KCNN2: variants seen among roughly 807,000 people sequenced by gnomAD.
The protein encoded by KCNN2 is potassium calcium-activated channel subfamily N member 2.
Under a neutral mutation model 55.5 loss-of-function variants are expected in KCNN2, and 24 were observed. The ratio of observed to expected loss-of-function variants is 0.43; its 90% confidence interval spans 0.31 to 0.61. The LOEUF (loss-of-function observed/expected upper bound fraction) is 0.61. Among genes scored for constraint, KCNN2 ranks in the 20% least tolerant of loss-of-function variants. The pLI, the probability that KCNN2 is intolerant of heterozygous loss-of-function variation, is 0.08. For synonymous variants in KCNN2, 431 were observed against 336.1 expected, an observed-to-expected ratio of 1.28 and a Z score of -3.09; for missense variants, 754 against 853.6, an observed-to-expected ratio of 0.88 and a Z score of 1.45.
At chr5:114,431,253 T>G (rs1458981149) in intron 3 of KCNN2, among the ~76,000 whole-genome samples, 1 of 152,148 alleles carries the variant, frequency 6.6e-6, no homozygotes, top group East Asian at 1.9e-4. Flanking sequence ...ATTAGTAGTT[T>G]TCTGGATTTC....
At chr5:114,316,735 C>T (rs144648455) in intron 2 of KCNN2, among the ~76,000 whole-genome samples, 4 of 152,140 alleles carry the variant, frequency 2.6e-5, no homozygotes, top group African/African-American at 7.2e-5. Flanking sequence ...TAATACATAT[C>T]GCTATCTAGT....
intron 1 of KCNN2, among the ~76,000 whole-genome samples, chr5:114,185,673 G>A (rs751821613): frequency 1.2e-4 from 18 of 152,170 alleles, no homozygotes; most frequent in Non-Finnish European, 2.5e-4. Flanking sequence ...CAAGAACCCC[G>A]TCTTTAGCTG....
At chr5:114,236,555 G>A (rs1343471893) in intron 2 of KCNN2, among the ~76,000 whole-genome samples, 1 of 151,862 alleles carries the variant, frequency 6.6e-6, no homozygotes, top group African/African-American at 2.4e-5. Flanking sequence ...TAAATCTTTT[G>A]CCTTTTACTA....
rs1561588079 is a variant in KCNN2, at chr5:114,363,927, C to T, written c.1144C>T (p.Leu382=). The change falls in exon 2 of 8, where the codon CTG becomes TTG. Residue 382 remains leucine, a synonymous_variant. Transcript: ENST00000673685. ...YDKASLYSLA[L]KCLISLSTII... Reference sequence around the variant, plus strand: ...GCAGGCGTCGCTGTATTCCTTAGCTCTGAAATGCCTTATCAGTCTCTCCAC... The same window carrying T: ...GCAGGCGTCGCTGTATTCCTTAGCTTTGAAATGCCTTATCAGTCTCTCCAC... 6.2e-7 allele frequency: 1 copy of T among 1,614,012 alleles called. No homozygotes were observed. The highest frequency in any genetic ancestry group is 8.5e-7 in the Non-Finnish European group (1 of 1,179,902).
intron 2 of KCNN2, among the ~76,000 whole-genome samples, chr5:114,267,372 A>G (rs1580675261): frequency 1.3e-5 from 2 of 152,070 alleles, no homozygotes; most frequent in East Asian, 1.9e-4. Flanking sequence ...TACCCACCCC[A>G]TTCTTCATTG....
At chr5:114,138,890 A>C (rs568123557) in intron 1 of KCNN2, among the ~76,000 whole-genome samples, 1 of 152,270 alleles carries the variant, frequency 6.6e-6, no homozygotes, top group South Asian at 2.1e-4. Flanking sequence ...TATGAACTGT[A>C]ATGTGTTGGA....
chr5:114,270,342 C>T (rs983756801), intron 2 of KCNN2, among the ~76,000 whole-genome samples: 21 of 152,104 alleles, frequency 1.4e-4, no homozygotes, highest in African/African-American at 4.1e-4. Context: ...GACAAGAATG[C>T]GCTAACATAC....
chr5:114,263,257 C>T (rs955243733), intron 2 of KCNN2, among the ~76,000 whole-genome samples: 1 of 152,128 alleles, frequency 6.6e-6, no homozygotes, highest in African/African-American at 2.4e-5. Context: ...GTCACCATCT[C>T]GTCTCAAGAA....
chr5:114,196,613 C>T (rs1427027560), intron 1 of KCNN2, among the ~76,000 whole-genome samples: 1 of 151,904 alleles, frequency 6.6e-6, no homozygotes, highest in Non-Finnish European at 1.5e-5. Flanking sequence ...TTGTTCATTT[C>T]ATCTAAGTTA....
At chr5:114,274,418 A>G (rs989904395) in intron 2 of KCNN2, among the ~76,000 whole-genome samples, 2 of 152,190 alleles carry the variant, frequency 1.3e-5, no homozygotes, top group African/African-American at 2.4e-5. Flanking sequence ...TCTATAAATT[A>G]CTTTGGGCAG....
chr5:114,088,002 T>C (rs1751051765), intron 1 of KCNN2, among the ~76,000 whole-genome samples: 1 of 152,172 alleles, frequency 6.6e-6, no homozygotes, highest in Non-Finnish European at 1.5e-5. Flanking sequence ...TTGCAGATTC[T>C]ATCTGATATT....
chr5:114,320,977 G>A (rs1343682927), intron 2 of KCNN2, among the ~76,000 whole-genome samples: 1 of 152,184 alleles, frequency 6.6e-6, no homozygotes, highest in African/African-American at 2.4e-5. Flanking sequence ...CTGATGGAAT[G>A]CGAAAGGCTC....
chr5:114,221,914 T>C (rs3935789), intron 2 of KCNN2, among the ~76,000 whole-genome samples: 7,817 of 152,278 alleles, frequency 0.051, 221 homozygotes, highest in South Asian at 0.077. Flanking sequence ...TTTTAATTAA[T>C]CTTTGTTCTG....
intron 1 of KCNN2, among the ~76,000 whole-genome samples, chr5:114,065,786 A>G (rs1750432355): frequency 6.7e-6 from 1 of 148,150 alleles, no homozygotes; most frequent in African/African-American, 2.5e-5. Flanking sequence ...TATATCTTCC[A>G]AAAAGAAGCA....
chr5:114,289,004 C>T (rs1022408819), intron 2 of KCNN2, among the ~76,000 whole-genome samples: 1 of 152,054 alleles, frequency 6.6e-6, no homozygotes, highest in African/African-American at 2.4e-5. Flanking sequence ...CTCATTGACC[C>T]ATCTTGCGTT....
At chr5:114,152,267 A>T (rs10045558) in intron 1 of KCNN2, among the ~76,000 whole-genome samples, 54,649 of 152,072 alleles carry the variant, frequency 0.36, 10,372 homozygotes, top group East Asian at 0.72. Flanking sequence ...TGATAATATC[A>T]TGAAAATATT....
chr5:114,252,086 C>A (rs1487340595), intron 2 of KCNN2, among the ~76,000 whole-genome samples: 3 of 151,842 alleles, frequency 2.0e-5, no homozygotes, highest in Admixed American at 2.0e-4. Flanking sequence ...CCATGTTGGC[C>A]AGGCTCGTCT....
intron 2 of KCNN2, among the ~76,000 whole-genome samples, chr5:114,354,747 GA>G (rs1320123717): frequency 6.6e-6 from 1 of 152,080 alleles, no homozygotes; most frequent in Non-Finnish European, 1.5e-5. Flanking sequence ...TAAGTAGTGA[GA>G]AAAAAATGTT....
chr5:114,417,439 G>C (rs1302520494), intron 3 of KCNN2, among the ~76,000 whole-genome samples: 1 of 152,148 alleles, frequency 6.6e-6, no homozygotes, highest in East Asian at 1.9e-4. Context: ...GAAGTGAGAA[G>C]CCACTCTGCT....
Sources: allele counts gnomAD v4.1 joint callset (sites outside exome capture counted in the v4.1 genomes callset), GRCh38; gene constraint gnomAD v4.1.1; transcripts MANE v1.5; gene names NCBI Gene and HGNC (gene_info 2026-07-23, HGNC 2026-07-21).